WFDC5: variants seen among roughly 807,000 people sequenced by gnomAD.
WFDC5 encodes the protein WAP four-disulfide core domain 5.
Under a neutral mutation model 15.7 loss-of-function variants are expected in WFDC5, and 15 were observed. The ratio of observed to expected loss-of-function variants is 0.96; its 90% confidence interval spans 0.64 to 1.47. WFDC5 has a LOEUF of 1.47. WFDC5 is among the 40% of genes most tolerant of loss of function. WFDC5 has a pLI of 0.00. For synonymous variants in WFDC5, 109 were observed against 107.7 expected, an observed-to-expected ratio of 1.01 and a Z score of -0.07; for missense variants, 280 against 258.0, an observed-to-expected ratio of 1.09 and a Z score of -0.59.
chr20:45,111,694 G>A (rs985056828), intron 1 of WFDC5, among the ~76,000 whole-genome samples: 3 of 152,092 alleles, frequency 2.0e-5, no homozygotes, highest in African/African-American at 7.2e-5. Flanking sequence ...CTGGGATTTT[G>A]GGCCATGTTC....
At chr20:45,110,352 TG>T (rs1568796933) in intron 3 of WFDC5, 47 bp downstream of exon 3, 1 of 1,555,508 alleles carries the variant, frequency 6.4e-7, no homozygotes, top group Non-Finnish European at 8.7e-7. Context: ...GTATTAGAGC[TG>T]GGCTCGGAGA....
chr20:45,113,476 G>C (rs974124750), intron 1 of WFDC5, among the ~76,000 whole-genome samples: 1 of 152,234 alleles, frequency 6.6e-6, no homozygotes, highest in African/African-American at 2.4e-5. Context: ...GAGCAGCTGG[G>C]CTGAATATTG....
chr20:45,110,324 C>G (rs999438757), intron 3 of WFDC5, 76 bp downstream of exon 3: 25 of 1,536,962 alleles, frequency 1.6e-5, no homozygotes, highest in Non-Finnish European at 2.1e-5. Context: ...TCCTGTTAAG[C>G]TTGTAGCAAT....
intron 1 of WFDC5, among the ~76,000 whole-genome samples, chr20:45,112,397 T>C (rs1981645355): frequency 6.6e-6 from 1 of 152,124 alleles, no homozygotes. Context: ...ACAGCTGGCA[T>C]TTCCAGTGGA....
intron 1 of WFDC5, among the ~76,000 whole-genome samples, chr20:45,112,919 T>C (rs1397704276): frequency 1.3e-5 from 2 of 152,130 alleles, no homozygotes; most frequent in East Asian, 3.8e-4. Flanking sequence ...TGGAACATAA[T>C]CACTGTCATT....
exon 4 of WFDC5, chr20:45,109,775 G>A (rs1486705169): frequency 4.2e-6 from 3 of 721,908 alleles, no homozygotes; most frequent in East Asian, 5.4e-5. Flanking sequence ...GCAGAGTACT[G>A]GGGTGATACA....
chr20:45,112,162 G>A (rs1038948998), intron 1 of WFDC5, among the ~76,000 whole-genome samples: 1 of 152,176 alleles, frequency 6.6e-6, no homozygotes, highest in Non-Finnish European at 1.5e-5. Flanking sequence ...GTGTGGGTTT[G>A]GGGTGGTGGG....
chr20:45,112,843 G>T (rs763058), intron 1 of WFDC5, among the ~76,000 whole-genome samples: 70,412 of 151,856 alleles, frequency 0.46, 16,703 homozygotes, highest in Middle Eastern at 0.54. Flanking sequence ...ATATATCAGA[G>T]AGTTATATAT....
Position 45,110,627 on chromosome 20 carries a change from GC to G in WFDC5, c.226+7del. ...GGATGGTCAGCAAGGTGGAGGGGAG[GC>G]ATTTACCAGAGACCCTGGGGACACA... On this transcript the variant is annotated splice_region_variant and intron_variant, in intron 2 of 3. Coordinates refer to ENST00000307971, the Ensembl canonical transcript of WFDC5. The G allele has an allele frequency of 6.2e-7, 1 of 1,614,046 alleles. No homozygotes were observed. Among genetic ancestry groups the G allele is most frequent in the South Asian group, 1.1e-5 (1 of 91,060 alleles).
upstream of WFDC5, chr20:45,115,179 G>C: frequency 1.7e-6 from 2 of 1,191,718 alleles, no homozygotes; most frequent in South Asian, 2.8e-5. Flanking sequence ...AAAGAGAGGG[G>C]GTGTGGAGTG....
At chr20:45,113,521 A>G (rs1981676717) in intron 1 of WFDC5, among the ~76,000 whole-genome samples, 2 of 152,166 alleles carry the variant, frequency 1.3e-5, no homozygotes, top group Non-Finnish European at 1.5e-5. Flanking sequence ...GACTCCCCCA[A>G]ATCACCCACT....
chr20:45,110,101 C>G, intron 3 of WFDC5, 88 bp from the exon 4 acceptor site: 1 of 1,539,792 alleles, frequency 6.5e-7, no homozygotes. Context: ...CCCACCAGCT[C>G]AGCTCTGGTT....
chr20:45,116,064 C>T (rs960423595), upstream of WFDC5, among the ~76,000 whole-genome samples: 3 of 152,172 alleles, frequency 2.0e-5, no homozygotes, highest in African/African-American at 7.2e-5. Flanking sequence ...TGGGACTTCC[C>T]ACTGTGGCCT....
At chr20:45,115,249 G>A, upstream of WFDC5, 1 of 601,326 alleles carries the variant, frequency 1.7e-6, no homozygotes, top group Non-Finnish European at 2.9e-6. Context: ...CAGTGCAAGG[G>A]ATGCTGTCAC....
exon 4 of WFDC5, chr20:45,109,981 G>A (rs1229272515): frequency 6.2e-7 from 1 of 1,614,116 alleles, no homozygotes; most frequent in Non-Finnish European, 8.5e-7. Flanking sequence ...CCCAGCTTAG[G>A]TGCAGAGCCA....
At chr20:45,109,764 T>C in exon 4 of WFDC5, 1 of 720,000 alleles carries the variant, frequency 1.4e-6, no homozygotes, top group East Asian at 2.7e-5. Context: ...ATGGCAGTGG[T>C]GCAGAGTACT....
chr20:45,113,975 C>T (rs1037399782), intron 1 of WFDC5, among the ~76,000 whole-genome samples: 2 of 152,242 alleles, frequency 1.3e-5, no homozygotes, highest in Admixed American at 1.3e-4. Context: ...TACTTGCATT[C>T]AAATGCCACA....
At chr20:45,114,791 G>A (rs1021771046) in intron 1 of WFDC5, among the ~76,000 whole-genome samples, 1 of 150,706 alleles carries the variant, frequency 6.6e-6, no homozygotes, top group Admixed American at 6.7e-5. Context: ...ACACAGGCAG[G>A]TGGACAGGCA....
At chr20:45,109,614 A>C in exon 4 of WFDC5, 1 of 627,804 alleles carries the variant, frequency 1.6e-6, no homozygotes, top group Non-Finnish European at 2.9e-6. Context: ...TGATGTTTGG[A>C]AAACTCTGCA....
Sources: gnomAD v4.1 joint callset for allele counts (sites outside exome capture counted in the v4.1 genomes callset) on GRCh38, gnomAD v4.1.1 for gene constraint, MANE v1.5 for transcripts, NCBI Gene and HGNC (gene_info 2026-07-23, HGNC 2026-07-21) for gene names.